Variants in MSRA observed in about 807,000 individuals in gnomAD.
MSRA encodes the protein methionine sulfoxide reductase A.
A neutral mutation model predicts 31.3 loss-of-function variants in MSRA; 54 were observed. The ratio of observed to expected loss-of-function variants is 1.73; its 90% CI spans 1.39 to 2.17. The LOEUF (loss-of-function observed/expected upper bound fraction) is 2.17, where lower values mean the gene tolerates loss of function less well. Ranked by LOEUF, MSRA falls within the 30% of genes most tolerant of loss-of-function variation. The pLI is 0.00. For synonymous variants in MSRA, 169 were observed against 116.5 expected (o/e 1.45, Z -2.90); for missense variants, 507 against 300.9 (o/e 1.69, Z -5.07).
intron 4 of MSRA, 27 bp downstream of exon 4, chr8:10,301,665 A>C (rs1800857104): frequency 6.4e-7 from 1 of 1,561,856 alleles, no homozygotes. Context: ...GCCAGTATTT[A>C]ATTATCTTAC....
chr8:10,273,864 A>G (rs1036176114), intron 3 of MSRA, among the ~76,000 whole-genome samples: 24 of 152,148 alleles, frequency 1.6e-4, no homozygotes, highest in Non-Finnish European at 1.2e-4. Context: ...CCTCGAGCCA[A>G]CAGTGGGATT....
chr8:10,350,472 A>G (rs554700373), intron 5 of MSRA, among the ~76,000 whole-genome samples: 1 of 152,236 alleles, frequency 6.6e-6, no homozygotes, highest in Non-Finnish European at 1.5e-5. Flanking sequence ...AAAAGGCCCT[A>G]TAAAGCCCTT....
At chr8:10,141,381 A>G (rs1037520355) in intron 1 of MSRA, among the ~76,000 whole-genome samples, 15 of 152,212 alleles carry the variant, frequency 9.9e-5, no homozygotes, top group African/African-American at 3.4e-4. Context: ...GGATGAGTTG[A>G]GGTTTGAACC....
At chr8:10,112,689 G>A (rs922923020) in intron 1 of MSRA, among the ~76,000 whole-genome samples, 3 of 152,204 alleles carry the variant, frequency 2.0e-5, no homozygotes, top group African/African-American at 7.2e-5. Flanking sequence ...CAACTCTAAT[G>A]TAGTGATATA....
At chr8:10,350,599 G>C (rs1312322309) in intron 5 of MSRA, among the ~76,000 whole-genome samples, 2 of 152,232 alleles carry the variant, frequency 1.3e-5, no homozygotes, top group Admixed American at 6.5e-5. Context: ...CGTAATGTTT[G>C]AATTGGAACC....
At chr8:10,377,379 T>C (rs974049369) in intron 5 of MSRA, among the ~76,000 whole-genome samples, 2 of 152,262 alleles carry the variant, frequency 1.3e-5, no homozygotes, top group African/African-American at 4.8e-5. Context: ...CCAGATTCTC[T>C]GATATTACTA....
intron 1 of MSRA, among the ~76,000 whole-genome samples, chr8:10,055,906 CA>C (rs1288105202): frequency 2.0e-5 from 3 of 152,028 alleles, no homozygotes; most frequent in Admixed American, 6.5e-5. Context: ...CTGGTTTCCC[CA>C]TCATTTCACC....
intron 1 of MSRA, among the ~76,000 whole-genome samples, chr8:10,205,794 T>A (rs1808912589): frequency 6.6e-6 from 1 of 152,222 alleles, no homozygotes; most frequent in Admixed American, 6.5e-5. Context: ...TTTAATTAGT[T>A]GTCATTATAG....
intron 3 of MSRA, among the ~76,000 whole-genome samples, chr8:10,298,645 A>G (rs1483766437): frequency 1.3e-5 from 2 of 152,200 alleles, no homozygotes; most frequent in Non-Finnish European, 2.9e-5. Flanking sequence ...CATGAGCATT[A>G]AATGGCATCA....
chr8:10,407,088 G>C lies in MSRA; in HGVS notation c.544-21060G>C, dbSNP rs529272287. On this transcript the variant is annotated intron_variant, in intron 5 of 5. Transcript: ENST00000317173. ...AGGTGAGGTTCACTGTGTTACCCAG[G>C]CTGATCTTGAACTCCGGGACTCAAG... Among the ~76,000 whole-genome samples, 3 of 152,278 alleles carry C rather than the reference G, an allele frequency of 2.0e-5. No homozygotes were observed. In the East Asian group the frequency reaches 5.8e-4, roughly 29 times the overall value.
At chr8:10,267,949 A>G (rs551874786) in intron 3 of MSRA, among the ~76,000 whole-genome samples, 9 of 152,296 alleles carry the variant, frequency 5.9e-5, no homozygotes, top group African/African-American at 2.2e-4. Flanking sequence ...CCAGACCCTG[A>G]GGCGGGGTTG....
chr8:10,090,338 G>A (rs953598061), intron 1 of MSRA, among the ~76,000 whole-genome samples: 2 of 152,178 alleles, frequency 1.3e-5, no homozygotes, highest in Non-Finnish European at 2.9e-5. Flanking sequence ...AGTTGGCTGG[G>A]ATGGAACCAA....
intron 5 of MSRA, among the ~76,000 whole-genome samples, chr8:10,371,091 C>T (rs1367102448): frequency 6.6e-6 from 1 of 152,158 alleles, no homozygotes; most frequent in African/African-American, 2.4e-5. Context: ...ACCCCTGCCG[C>T]AATCCCGATG....
chr8:10,355,747 C>A (rs944264998), intron 5 of MSRA, among the ~76,000 whole-genome samples: 1 of 152,096 alleles, frequency 6.6e-6, no homozygotes, highest in African/African-American at 2.4e-5. Context: ...GGGTGAGGGT[C>A]TGCAGATGCA....
At chr8:10,427,955 A>G (rs777310782) in intron 5 of MSRA, among the ~76,000 whole-genome samples, 193 bp from the exon 6 acceptor site, 8 of 152,224 alleles carry the variant, frequency 5.3e-5, no homozygotes, top group Non-Finnish European at 1.2e-4. Context: ...TTCCCAGTCA[A>G]CTGAGGCACA....
chr8:10,384,380 A>C (rs546081857), intron 5 of MSRA, among the ~76,000 whole-genome samples: 1 of 152,324 alleles, frequency 6.6e-6, no homozygotes, highest in Admixed American at 6.5e-5. Context: ...ATATCGACAG[A>C]CCAGTGTCAA....
At position 10,301,642 on chromosome 8, in the gene MSRA, G is replaced by C. The variant is rs375497311; in HGVS notation, c.436+4G>C. ...GAGAATCACGACCCGACCCAAGGTA[G>C]AGTGATGAGTGAGCCAGTATTTAAT... On this transcript the variant is annotated splice_donor_region_variant and intron_variant, in intron 4 of 5. Coordinates refer to ENST00000317173, the MANE Select transcript of MSRA (RefSeq NM_012331.5). The C allele has an allele frequency of 1.2e-6, 2 of 1,602,652 alleles. No individual in the cohort carries two copies. The highest frequency in any genetic ancestry group is 1.7e-5 in the Admixed American group (1 of 59,518).
chr8:10,246,854 G>A (rs529241348), intron 3 of MSRA, among the ~76,000 whole-genome samples: 65 of 151,840 alleles, frequency 4.3e-4, no homozygotes, highest in Non-Finnish European at 8.5e-4. Context: ...AAAATTAAAC[G>A]CTTATGCATA....
chr8:10,372,571 A>G (rs563244998), intron 5 of MSRA, among the ~76,000 whole-genome samples: 14 of 152,296 alleles, frequency 9.2e-5, no homozygotes, highest in African/African-American at 2.9e-4. Context: ...TAACTATCCA[A>G]TTGAAATGAA....
Sources: allele counts gnomAD v4.1 joint callset (sites outside exome capture counted in the v4.1 genomes callset), GRCh38; gene constraint gnomAD v4.1.1; transcripts MANE v1.5; gene names NCBI Gene and HGNC (gene_info 2026-07-23, HGNC 2026-07-21).